The following MEIS2 variants were observed in gnomAD, a reference collection of about 807,000 sequenced individuals.
MEIS2 encodes the protein homeobox protein Meis2.
MEIS2 carries 9 observed loss-of-function variants against 58.6 expected under a neutral mutation model. That is an observed-to-expected ratio of 0.15 (90% CI 0.09 to 0.27). The LOEUF is 0.27. Ranked by LOEUF, MEIS2 falls within the 10% of genes least tolerant of loss-of-function variation. MEIS2 has a pLI of 1.00. For missense variants in MEIS2, 427 were observed against 635.0 expected (o/e 0.67, Z 3.52); for synonymous variants, 221 against 228.4 (o/e 0.97, Z 0.29).
intron 8 of MEIS2, among the ~76,000 whole-genome samples, chr15:36,955,618 A>G (rs2058931132): frequency 6.6e-6 from 1 of 152,144 alleles, no homozygotes; most frequent in Non-Finnish European, 1.5e-5. Context: ...GTGATGCTTA[A>G]TTTTGAATCT....
intron 4 of MEIS2, chr15:37,094,976 A>G (rs568744007): frequency 3.5e-4 from 52 of 148,512 alleles, no homozygotes; most frequent in Admixed American, 8.3e-4. Flanking sequence ...GTCCCTTCTC[A>G]GGATAGAAAA....
chr15:36,900,353 G>C (rs1222575696), intron 9 of MEIS2, among the ~76,000 whole-genome samples: 1 of 151,970 alleles, frequency 6.6e-6, no homozygotes, highest in Non-Finnish European at 1.5e-5. Flanking sequence ...ACCCTAAAGA[G>C]CCCTAGTTCC....
intron 9 of MEIS2, among the ~76,000 whole-genome samples, chr15:36,908,165 C>G (rs1401206005): frequency 2.0e-5 from 3 of 152,136 alleles, no homozygotes; most frequent in African/African-American, 7.2e-5. Flanking sequence ...TTCTTAATGA[C>G]AAATTAAACA....
chr15:36,924,537 G>C (rs567978219), intron 9 of MEIS2, among the ~76,000 whole-genome samples: 2 of 152,298 alleles, frequency 1.3e-5, no homozygotes, highest in African/African-American at 4.8e-5. Flanking sequence ...CACATAGGCA[G>C]CCAACCTGAA....
chr15:36,967,515 A>C (rs1044536580), intron 8 of MEIS2, among the ~76,000 whole-genome samples: 2 of 152,204 alleles, frequency 1.3e-5, no homozygotes, highest in Admixed American at 1.3e-4. Flanking sequence ...TGGCCCCAGC[A>C]GTCACCACCT....
chr15:37,082,090 G>C (rs536658899), intron 7 of MEIS2, among the ~76,000 whole-genome samples: 1 of 152,098 alleles, frequency 6.6e-6, no homozygotes, highest in Non-Finnish European at 1.5e-5. Flanking sequence ...TTAAATTTCA[G>C]TTGGGACCTT....
chr15:37,061,346 C>T lies in MEIS2; in HGVS notation c.754+22425G>A, dbSNP rs1322485538. 5.3e-5 allele frequency among the ~76,000 whole-genome samples: 8 copies of T among 152,172 alleles called. No homozygotes were observed. In the East Asian group the frequency reaches 1.2e-3, roughly 22 times the overall value. ...TGCCCTAAGAGAAGGTCATCGAGGC[C>T]GGCAGAAGTGTTTAAGGGCAGAGAT... is the stretch of plus-strand genomic sequence containing the variant. On this transcript the variant is annotated intron_variant, in intron 7 of 11. Coordinates refer to ENST00000561208, the MANE Select transcript of MEIS2 (RefSeq NM_170675.5).
At chr15:36,914,229 G>C (rs771920307) in intron 9 of MEIS2, among the ~76,000 whole-genome samples, 1 of 152,182 alleles carries the variant, frequency 6.6e-6, no homozygotes, top group African/African-American at 2.4e-5. Context: ...ATGGAGAAGC[G>C]TAAGAATCCA....
At chr15:36,993,214 A>G (rs1305041556) in intron 8 of MEIS2, among the ~76,000 whole-genome samples, 1 of 152,206 alleles carries the variant, frequency 6.6e-6, no homozygotes, top group East Asian at 1.9e-4. Context: ...AAAGAAACCC[A>G]TGAGAGTTTA....
At chr15:37,045,145 A>G (rs1231670545) in intron 7 of MEIS2, among the ~76,000 whole-genome samples, 2 of 152,128 alleles carry the variant, frequency 1.3e-5, no homozygotes, top group Non-Finnish European at 2.9e-5. Context: ...GGTGCCCTCC[A>G]CCTCAACTCT....
chr15:36,954,297 TGTA>T (rs1182224743), intron 8 of MEIS2, among the ~76,000 whole-genome samples: 1 of 151,450 alleles, frequency 6.6e-6, no homozygotes, highest in Non-Finnish European at 1.5e-5. Flanking sequence ...TATCTATGCT[TGTA>T]GCGCAAAAAA....
At chr15:37,023,208 G>A (rs927767216) in intron 8 of MEIS2, among the ~76,000 whole-genome samples, 5 of 152,114 alleles carry the variant, frequency 3.3e-5, no homozygotes, top group African/African-American at 1.2e-4. Context: ...AAATAGTCAT[G>A]TCTACTTCAA....
intron 9 of MEIS2, among the ~76,000 whole-genome samples, chr15:36,938,168 C>T (rs927763132): frequency 2.0e-5 from 3 of 152,164 alleles, no homozygotes; most frequent in Non-Finnish European, 4.4e-5. Flanking sequence ...ACCCAAGCTC[C>T]TCCAAGCACC....
At chr15:37,032,937 T>C (rs995819485) in intron 8 of MEIS2, among the ~76,000 whole-genome samples, 7 of 152,208 alleles carry the variant, frequency 4.6e-5, no homozygotes, top group Non-Finnish European at 7.3e-5. Context: ...TTTGTTTAAA[T>C]ATTTTCCTCA....
chr15:37,009,149 C>A (rs113788547), intron 8 of MEIS2, among the ~76,000 whole-genome samples: 4,339 of 152,106 alleles, frequency 0.029, 225 homozygotes, highest in African/African-American at 0.1. Context: ...ATTAACCAGG[C>A]GTGGTGGCGG....
At chr15:36,954,206 T>C (rs1441746231) in intron 8 of MEIS2, among the ~76,000 whole-genome samples, 1 of 151,908 alleles carries the variant, frequency 6.6e-6, no homozygotes, top group African/African-American at 2.4e-5. Flanking sequence ...GTTGTCCCCA[T>C]ATATTATTGA....
intron 1 of MEIS2, 180 bp from the exon 2 acceptor site, chr15:37,098,379 GGAGAGAGAGAGAGAGAGAGAGAGAGAGA>G (rs534692479): frequency 6.2e-5 from 19 of 307,896 alleles, no homozygotes; most frequent in Non-Finnish European, 7.2e-5. Context: ...GAGGAGAGGG[GGAGAGAGAGAGAGAGAGAGAGAGAGAGA>G]GAGAGAGAGA....
chr15:36,972,145 T>C (rs558149688), intron 8 of MEIS2, among the ~76,000 whole-genome samples: 1 of 152,320 alleles, frequency 6.6e-6, no homozygotes, highest in East Asian at 1.9e-4. Context: ...TGTTCCGTTA[T>C]GCTGTCAATA....
At chr15:37,095,346 G>A (rs1894094992) in intron 4 of MEIS2, among the ~76,000 whole-genome samples, 1 of 152,210 alleles carries the variant, frequency 6.6e-6, no homozygotes, top group African/African-American at 2.4e-5. Flanking sequence ...TCGGTCTCCC[G>A]TTTCGGCCTC....
Sources: gnomAD v4.1 joint callset for allele counts (sites outside exome capture counted in the v4.1 genomes callset) on GRCh38, gnomAD v4.1.1 for gene constraint, MANE v1.5 for transcripts, NCBI Gene and HGNC (gene_info 2026-07-23, HGNC 2026-07-21) for gene names.